Variants in MAGI3 observed in about 807,000 individuals in gnomAD.
MAGI3 encodes the protein membrane-associated guanylate kinase, WW and PDZ domain-containing protein 3.
Under a neutral mutation model 121.8 loss-of-function variants are expected in MAGI3, and 43 were observed. The observed-to-expected ratio is 0.35, with a 90% CI of 0.28 to 0.46. The LOEUF (loss-of-function observed/expected upper bound fraction) is 0.46. Among genes scored for constraint, MAGI3 ranks in the 20% least tolerant of loss-of-function variants. The pLI is 1.00. For synonymous variants in MAGI3, 553 were observed against 639.3 expected (o/e 0.86, Z 2.04); for missense variants, 1,547 against 1,797.3 (o/e 0.86, Z 2.52).
chr1:113,617,572 T>A (rs1650554906), intron 7 of MAGI3, among the ~76,000 whole-genome samples: 1 of 152,210 alleles, frequency 6.6e-6, no homozygotes. Context: ...ATTACTCATT[T>A]GCATACGTCT....
chr1:113,674,110 T>G (rs1274566430), intron 19 of MAGI3, among the ~76,000 whole-genome samples: 3 of 152,180 alleles, frequency 2.0e-5, no homozygotes, highest in African/African-American at 7.2e-5. Flanking sequence ...AGACATTTGC[T>G]GCTGGGCGCG....
intron 1 of MAGI3, among the ~76,000 whole-genome samples, chr1:113,442,582 C>CAT (rs1172710002): frequency 6.6e-6 from 1 of 151,214 alleles, no homozygotes. Context: ...TTATGTATTT[C>CAT]ATATATATAT....
intron 7 of MAGI3, among the ~76,000 whole-genome samples, chr1:113,615,894 A>G (rs916643931): frequency 1.2e-4 from 18 of 152,158 alleles, no homozygotes; most frequent in African/African-American, 4.1e-4. Flanking sequence ...TTCACATCAA[A>G]GGAGTATTTG....
At chr1:113,662,248 T>C (rs746894854) in intron 16 of MAGI3, among the ~76,000 whole-genome samples, 3 of 152,188 alleles carry the variant, frequency 2.0e-5, no homozygotes, top group Admixed American at 6.5e-5. Context: ...TGTGCCTATG[T>C]TGCCAAGGAT....
chr1:113,469,062 A>G (rs1456632401), intron 1 of MAGI3, among the ~76,000 whole-genome samples: 1 of 152,204 alleles, frequency 6.6e-6, no homozygotes, highest in Non-Finnish European at 1.5e-5. Flanking sequence ...ACACTTGCAC[A>G]TACAGGAAGA....
At chr1:113,435,247 T>C (rs1466655791) in intron 1 of MAGI3, among the ~76,000 whole-genome samples, 1 of 152,156 alleles carries the variant, frequency 6.6e-6, no homozygotes, top group Non-Finnish European at 1.5e-5. Context: ...CGTTCGTTTG[T>C]AGTAATAGCC....
At chr1:113,555,018 A>G (rs1222503005) in intron 2 of MAGI3, among the ~76,000 whole-genome samples, 1 of 152,064 alleles carries the variant, frequency 6.6e-6, no homozygotes, top group East Asian at 1.9e-4. Context: ...TACAGAAAAA[A>G]AAGATAAATT....
At chr1:113,493,684 G>A (rs552067606) in intron 1 of MAGI3, among the ~76,000 whole-genome samples, 5 of 151,568 alleles carry the variant, frequency 3.3e-5, no homozygotes, top group Non-Finnish European at 5.9e-5. Flanking sequence ...ACAAGAAAAA[G>A]CAACCCCATT....
intron 6 of MAGI3, among the ~76,000 whole-genome samples, chr1:113,614,103 G>C (rs1165795990): frequency 1.3e-5 from 2 of 152,112 alleles, no homozygotes; most frequent in African/African-American, 4.8e-5. Context: ...CCAAGAGAAA[G>C]CAGGTACTTT....
rs752191367 is a variant in MAGI3, at chr1:113,683,648, A to G, written c.4080A>G (p.Arg1360=). 6.2e-7 allele frequency: 1 copy of G among 1,611,822 alleles called. No homozygotes were observed. The highest frequency in any genetic ancestry group is 8.5e-7 in the Non-Finnish European group (1 of 1,178,948). The part of the protein sequence containing the change: ...RTRSPEKKIK[R]MVEKSLPSKM... ...GGTCTCCAGAGAAAAAAATCAAAAG[A>G]ATGGTTGAGAAATCTCTTCCATCCA... Residue 1360 remains arginine (R), a synonymous_variant, in exon 21 of 21, where the codon AGA becomes AGG. Coordinates refer to ENST00000307546, the MANE Select transcript of MAGI3 (RefSeq NM_001142782.2).
intron 1 of MAGI3, among the ~76,000 whole-genome samples, chr1:113,520,028 T>G (rs1272068725): frequency 6.6e-6 from 1 of 152,220 alleles, no homozygotes; most frequent in Non-Finnish European, 1.5e-5. Context: ...AGGTAAAGTT[T>G]GTCTATCATA....
intron 6 of MAGI3, among the ~76,000 whole-genome samples, chr1:113,599,628 A>T (rs1570922976): frequency 2.0e-5 from 3 of 151,606 alleles, no homozygotes; most frequent in Admixed American, 2.0e-4. Flanking sequence ...TCACAGCCGA[A>T]TTCTACCAGA....
At chr1:113,671,989 A>G (rs1188942459) in intron 17 of MAGI3, among the ~76,000 whole-genome samples, 153 bp downstream of exon 17, 2 of 152,190 alleles carry the variant, frequency 1.3e-5, no homozygotes, top group East Asian at 1.9e-4. Flanking sequence ...CTGTTCCTCA[A>G]ATACCGTCCC....
intron 1 of MAGI3, among the ~76,000 whole-genome samples, chr1:113,474,598 G>C (rs948650923): frequency 6.6e-6 from 1 of 152,080 alleles, no homozygotes; most frequent in Non-Finnish European, 1.5e-5. Context: ...ATTTCTGAGG[G>C]CTCTGTTCTG....
At chr1:113,600,939 T>C (rs1441848727) in intron 6 of MAGI3, among the ~76,000 whole-genome samples, 2 of 152,182 alleles carry the variant, frequency 1.3e-5, no homozygotes, top group East Asian at 1.9e-4. Flanking sequence ...ATCTGATCTT[T>C]GACAAACCTG....
chr1:113,668,651 C>T (rs1647320577), intron 16 of MAGI3, among the ~76,000 whole-genome samples: 1 of 142,242 alleles, frequency 7.0e-6, no homozygotes, highest in Non-Finnish European at 1.5e-5. Flanking sequence ...GGCGCAATCT[C>T]GGCTCACTGC....
intron 2 of MAGI3, among the ~76,000 whole-genome samples, chr1:113,551,199 T>TA (rs1182168578): frequency 2.0e-5 from 3 of 152,138 alleles, no homozygotes; most frequent in African/African-American, 7.2e-5. Context: ...TAACAAGACT[T>TA]ACCTCATATA....
chr1:113,421,725 G>A (rs7354987), intron 1 of MAGI3, among the ~76,000 whole-genome samples: 2 of 152,198 alleles, frequency 1.3e-5, no homozygotes, highest in African/African-American at 4.8e-5. Context: ...ACAGCCAGTA[G>A]GAAGTAGCCA....
At chr1:113,415,101 A>T (rs1016284541) in intron 1 of MAGI3, among the ~76,000 whole-genome samples, 3 of 152,116 alleles carry the variant, frequency 2.0e-5, no homozygotes, top group Non-Finnish European at 4.4e-5. Context: ...AAACTAGAGC[A>T]ACTTTAAATT....
Sources: gnomAD v4.1 joint callset for allele counts (sites outside exome capture counted in the v4.1 genomes callset) on GRCh38, gnomAD v4.1.1 for gene constraint, MANE v1.5 for transcripts, NCBI Gene and HGNC (gene_info 2026-07-23, HGNC 2026-07-21) for gene names.